The following EPB41L2 variants were observed in gnomAD, a reference collection of about 807,000 sequenced individuals.
EPB41L2 encodes band 4.1-like protein 2.
Under a neutral mutation model 113.0 loss-of-function variants are expected in EPB41L2, and 43 were observed. The observed-to-expected ratio is 0.38, with a 90% CI of 0.30 to 0.49. The LOEUF (loss-of-function observed/expected upper bound fraction) is 0.49. EPB41L2 is among the 20% of genes least tolerant of loss of function. EPB41L2 has a pLI of 0.95. For synonymous variants in EPB41L2, 442 were observed against 436.7 expected (o/e 1.01, Z -0.15); for missense variants, 1,147 against 1,223.4 (o/e 0.94, Z 0.93).
In EPB41L2 at chr6:130,926,615, G is replaced by C; in HGVS notation, c.800C>G (p.Pro267Arg). Residue 267 changes from proline (P) to arginine (R), a missense_variant, in exon 4 of 20, where the codon CCT (proline) becomes CGT (arginine). Transcript: ENST00000337057. ...CTTGAAATCACTTACTTTCTGCTCA[G>C]GGCTTTCCTGAAACAAAAGTCCAAA... ...DYFGLLFQES[P>R]EQKNWLDPAK... is the part of the protein sequence containing the mutation. The C allele has an allele frequency of 6.2e-7, 1 of 1,601,666 alleles. No homozygotes were observed. Among genetic ancestry groups the C allele is most frequent in the Non-Finnish European group, 8.5e-7 (1 of 1,174,694 alleles).
chr6:130,941,503 G>C (rs975384013), intron 3 of EPB41L2, among the ~76,000 whole-genome samples: 3 of 152,192 alleles, frequency 2.0e-5, no homozygotes, highest in Admixed American at 6.5e-5. Context: ...AACTTCTGTA[G>C]GCTAGCACAT....
At chr6:130,938,033 C>T (rs1035115707) in intron 3 of EPB41L2, among the ~76,000 whole-genome samples, 2 of 152,128 alleles carry the variant, frequency 1.3e-5, no homozygotes, top group Non-Finnish European at 2.9e-5. Flanking sequence ...AAAAACTAAC[C>T]AAAGTAGAAG....
chr6:130,896,491 C>G (rs905515419), intron 8 of EPB41L2, among the ~76,000 whole-genome samples: 1 of 152,174 alleles, frequency 6.6e-6, no homozygotes, highest in Admixed American at 6.5e-5. Flanking sequence ...GTTCTTACCA[C>G]AAGTGGGGAG....
chr6:130,874,495 CGT>C (rs1786848094), intron 14 of EPB41L2, among the ~76,000 whole-genome samples: 1 of 151,898 alleles, frequency 6.6e-6, no homozygotes, highest in African/African-American at 2.4e-5. Context: ...AAAACACTCC[CGT>C]AGACAAATGC....
intron 1 of EPB41L2, among the ~76,000 whole-genome samples, chr6:130,956,758 C>T (rs905871166): frequency 6.6e-6 from 1 of 152,158 alleles, no homozygotes; most frequent in African/African-American, 2.4e-5. Flanking sequence ...ATAGCTAGAA[C>T]TTAAAATCAT....
chr6:131,034,191 G>A (rs1792823480), intron 1 of EPB41L2, among the ~76,000 whole-genome samples: 1 of 152,128 alleles, frequency 6.6e-6, no homozygotes, highest in South Asian at 2.1e-4. Context: ...ACCACACAAA[G>A]GGAATGTTAA....
intron 10 of EPB41L2, 53 bp downstream of exon 10, chr6:130,894,291 A>ATT: frequency 6.9e-7 from 1 of 1,446,880 alleles, no homozygotes; most frequent in East Asian, 2.3e-5. Flanking sequence ...AGTCAGTGGA[A>ATT]TTACAGGCAT....
chr6:130,884,418 T>A (rs1386765777), intron 12 of EPB41L2, among the ~76,000 whole-genome samples: 1 of 152,148 alleles, frequency 6.6e-6, no homozygotes, highest in Non-Finnish European at 1.5e-5. Context: ...TTACTTCCAA[T>A]GTTGCATGCA....
intron 1 of EPB41L2, among the ~76,000 whole-genome samples, chr6:131,003,020 A>G (rs1283425117): frequency 1.3e-4 from 20 of 152,236 alleles, no homozygotes; most frequent in Admixed American, 1.3e-3. Flanking sequence ...TGAAAATAAT[A>G]GTAGTTTTAA....
At chr6:130,867,654 A>G (rs2128443141) in intron 15 of EPB41L2, 73 bp from the exon 16 acceptor site, 1 of 1,545,654 alleles carries the variant, frequency 6.5e-7, no homozygotes, top group South Asian at 1.1e-5. Flanking sequence ...AACCTTCACA[A>G]ATAATAGTAA....
chr6:130,884,254 G>C (rs1488142988), intron 12 of EPB41L2, among the ~76,000 whole-genome samples: 1 of 152,148 alleles, frequency 6.6e-6, no homozygotes, highest in Non-Finnish European at 1.5e-5. Context: ...AGAATCACTT[G>C]AACCTGGGAG....
intron 3 of EPB41L2, among the ~76,000 whole-genome samples, chr6:130,928,633 C>T (rs887365408): frequency 6.6e-6 from 1 of 152,192 alleles, no homozygotes; most frequent in Non-Finnish European, 1.5e-5. Flanking sequence ...GGAACATGCC[C>T]TCATGGGCAG....
intron 1 of EPB41L2, among the ~76,000 whole-genome samples, chr6:131,031,733 C>G (rs4897485): frequency 0.31 from 47,130 of 152,018 alleles, 7,803 homozygotes; most frequent in Non-Finnish European, 0.37. Flanking sequence ...AATCTTTTGA[C>G]CATGAAGCTC....
intron 1 of EPB41L2, among the ~76,000 whole-genome samples, chr6:130,968,373 T>C: frequency 6.6e-6 from 1 of 152,190 alleles, no homozygotes; most frequent in East Asian, 1.9e-4. Flanking sequence ...CTATAAGCTT[T>C]GGAATGCTGT....
intron 1 of EPB41L2, among the ~76,000 whole-genome samples, chr6:130,959,525 C>T (rs2128630402): frequency 6.6e-6 from 1 of 152,280 alleles, no homozygotes; most frequent in East Asian, 1.9e-4. Flanking sequence ...TCCCTGACAG[C>T]AATGCTACGT....
chr6:130,882,932 G>A (rs1226068032), intron 12 of EPB41L2: 3 of 152,756 alleles, frequency 2.0e-5, no homozygotes, highest in Non-Finnish European at 4.4e-5. Flanking sequence ...AGGCTGAGAA[G>A]GGGCTATGGC....
At chr6:130,912,904 T>C (rs527934141) in intron 4 of EPB41L2, among the ~76,000 whole-genome samples, 5 of 151,654 alleles carry the variant, frequency 3.3e-5, no homozygotes, top group Admixed American at 1.3e-4. Context: ...AAAAAAAAAG[T>C]CCCCAGAATA....
intron 10 of EPB41L2, among the ~76,000 whole-genome samples, chr6:130,892,403 CTTTTTTTT>C (rs60350565): frequency 2.2e-5 from 2 of 92,636 alleles, no homozygotes; most frequent in Admixed American, 2.4e-4. Flanking sequence ...CAGATTATTG[CTTTTTTTT>C]TTTTTTTTTT....
At chr6:131,062,203 TA>T (rs755575477) in intron 1 of EPB41L2, among the ~76,000 whole-genome samples, 19 of 144,342 alleles carry the variant, frequency 1.3e-4, no homozygotes, top group African/African-American at 2.3e-4. Context: ...TACATATATA[TA>T]AAAAAAAAAA....
Sources: gnomAD v4.1 joint callset for allele counts (sites outside exome capture counted in the v4.1 genomes callset) on GRCh38, gnomAD v4.1.1 for gene constraint, MANE v1.5 for transcripts, NCBI Gene and HGNC (gene_info 2026-07-23, HGNC 2026-07-21) for gene names.